Variants in DLG2 observed in about 807,000 individuals in gnomAD.
DLG2 encodes the protein disks large homolog 2.
A neutral mutation model predicts 132.5 loss-of-function variants in DLG2; 45 were observed. The observed-to-expected ratio is 0.34, with a 90% CI of 0.27 to 0.44. The LOEUF is 0.44. Ranked by LOEUF, DLG2 falls within the 20% of genes least tolerant of loss-of-function variation. The probability of loss-of-function intolerance (pLI) is 1.00; values close to 1 mark genes in which losing one functional copy is unlikely to be tolerated. For synonymous variants in DLG2, 424 were observed against 419.6 expected, an observed-to-expected ratio of 1.01 and a Z score of -0.13; for missense variants, 1,045 against 1,196.9, an observed-to-expected ratio of 0.87 and a Z score of 1.87.
chr11:84,273,684 G>C (rs543740873), intron 7 of DLG2, among the ~76,000 whole-genome samples: 2 of 152,142 alleles, frequency 1.3e-5, no homozygotes, highest in Non-Finnish European at 2.9e-5. Context: ...ACATTGAAGG[G>C]AGTCGGTTAT....
intron 6 of DLG2, among the ~76,000 whole-genome samples, chr11:84,934,767 T>C (rs1309981758): frequency 1.3e-5 from 2 of 151,942 alleles, no homozygotes; most frequent in Non-Finnish European, 2.9e-5. Context: ...GACTTTTATA[T>C]GCCCGAGTTC....
At chr11:83,502,047 CAAT>C (rs2094471384) in intron 21 of DLG2, among the ~76,000 whole-genome samples, 1 of 152,182 alleles carries the variant, frequency 6.6e-6, no homozygotes. Context: ...AAGTACTTGT[CAAT>C]AATAATAGCA....
At chr11:84,020,037 C>G (rs1251135378) in intron 11 of DLG2, among the ~76,000 whole-genome samples, 1 of 151,958 alleles carries the variant, frequency 6.6e-6, no homozygotes, top group Non-Finnish European at 1.5e-5. Flanking sequence ...GGAGAACTTG[C>G]CTGTGGGGGA....
intron 6 of DLG2, among the ~76,000 whole-genome samples, chr11:84,826,582 C>G (rs2078352634): frequency 6.6e-6 from 1 of 151,888 alleles, no homozygotes; most frequent in African/African-American, 2.4e-5. Flanking sequence ...GCTCTATTTA[C>G]CTTTATTAAC....
chr11:85,261,332 C>T (rs2076929035), intron 4 of DLG2, among the ~76,000 whole-genome samples: 1 of 152,156 alleles, frequency 6.6e-6, no homozygotes, highest in South Asian at 2.1e-4. Context: ...TTTTCCCCTA[C>T]CTGAGGCCCC....
chr11:83,670,544 A>T (rs997640893), intron 18 of DLG2, among the ~76,000 whole-genome samples: 1 of 152,124 alleles, frequency 6.6e-6, no homozygotes, highest in Non-Finnish European at 1.5e-5. Context: ...TCACAAGCAC[A>T]TATTCATGAA....
intron 6 of DLG2, among the ~76,000 whole-genome samples, chr11:84,570,407 G>T (rs573156717): frequency 1.3e-5 from 2 of 152,188 alleles, no homozygotes; most frequent in South Asian, 4.2e-4. Flanking sequence ...ACTTATATCT[G>T]ATCTCACTTA....
intron 3 of DLG2, among the ~76,000 whole-genome samples, chr11:85,520,446 A>G (rs965284452): frequency 1.3e-5 from 2 of 151,950 alleles, no homozygotes; most frequent in African/African-American, 2.4e-5. Context: ...GTTCAATGCA[A>G]TTCTTATCAA....
chr11:84,681,642 T>C (rs1188006632), intron 6 of DLG2, among the ~76,000 whole-genome samples: 1 of 152,136 alleles, frequency 6.6e-6, no homozygotes, highest in Non-Finnish European at 1.5e-5. Context: ...GCTTGATCTC[T>C]GCAGGTGGGA....
intron 7 of DLG2, among the ~76,000 whole-genome samples, chr11:84,531,706 T>C (rs561425536): frequency 6.6e-6 from 1 of 152,232 alleles, no homozygotes; most frequent in Admixed American, 6.5e-5. Flanking sequence ...ATTAGGACCA[T>C]GGTGTTTTAT....
intron 6 of DLG2, among the ~76,000 whole-genome samples, chr11:84,894,394 T>C (rs1453297004): frequency 6.6e-6 from 1 of 152,074 alleles, no homozygotes; most frequent in Non-Finnish European, 1.5e-5. Context: ...GCTTCATGAA[T>C]TGCCATTTCA....
intron 19 of DLG2, among the ~76,000 whole-genome samples, chr11:83,573,270 A>G (rs1015041673): frequency 6.5e-4 from 99 of 152,172 alleles, no homozygotes; most frequent in African/African-American, 2.3e-3. Context: ...ATAGTCTCCA[A>G]CTGAAGTCAG....
intron 6 of DLG2, among the ~76,000 whole-genome samples, chr11:85,015,320 T>C (rs2059482147): frequency 6.6e-6 from 1 of 152,080 alleles, no homozygotes; most frequent in South Asian, 2.1e-4. Context: ...AACACATTAG[T>C]TTATGTTCTA....
intron 3 of DLG2, among the ~76,000 whole-genome samples, chr11:85,322,555 T>G (rs1023727666): frequency 6.6e-6 from 1 of 152,150 alleles, no homozygotes; most frequent in African/African-American, 2.4e-5. Context: ...TTTTCCACAA[T>G]GAAAATTTTC....
At chr11:84,356,500 C>G (rs143068703) in intron 7 of DLG2, among the ~76,000 whole-genome samples, 1 of 152,184 alleles carries the variant, frequency 6.6e-6, no homozygotes, top group African/African-American at 2.4e-5. Context: ...TACATGATGA[C>G]TTGCTAGCTG....
intron 7 of DLG2, among the ~76,000 whole-genome samples, chr11:84,370,798 G>A (rs1170037583): frequency 6.6e-6 from 1 of 152,112 alleles, no homozygotes; most frequent in Non-Finnish European, 1.5e-5. Flanking sequence ...ATAGGGAGTA[G>A]GTTCCTGAGC....
intron 6 of DLG2, among the ~76,000 whole-genome samples, chr11:84,621,467 A>G (rs1029695975): frequency 1.3e-5 from 2 of 152,180 alleles, no homozygotes; most frequent in Admixed American, 6.5e-5. Flanking sequence ...CATATTATAG[A>G]TTCATGTTTT....
chr11:84,456,499 C>T (rs1311177387), intron 7 of DLG2, among the ~76,000 whole-genome samples: 2 of 151,326 alleles, frequency 1.3e-5, no homozygotes, highest in African/African-American at 4.8e-5. Flanking sequence ...TAACTTTATC[C>T]TTTTGCTACA....
chr11:84,089,433 G>A (rs192803710), intron 10 of DLG2, among the ~76,000 whole-genome samples: 1 of 151,502 alleles, frequency 6.6e-6, no homozygotes, highest in East Asian at 1.9e-4. Flanking sequence ...TTCTCATCGT[G>A]TTCTTATTTT....
Sources: allele counts gnomAD v4.1 joint callset (sites outside exome capture counted in the v4.1 genomes callset), GRCh38; gene constraint gnomAD v4.1.1; transcripts MANE v1.5; gene names NCBI Gene and HGNC (gene_info 2026-07-23, HGNC 2026-07-21).